Variants in FREM3 observed in about 807,000 individuals in gnomAD.
FREM3 encodes the protein FRAS1-related extracellular matrix protein 3.
FREM3 carries 105 observed loss-of-function variants against 129.1 expected under a neutral mutation model. The ratio of observed to expected loss-of-function variants is 0.81; its 90% confidence interval spans 0.69 to 0.96. FREM3 has a LOEUF of 0.96. Ranked by LOEUF, FREM3 falls within the 40% of genes least tolerant of loss-of-function variation. FREM3 has a pLI of 0.00. For missense variants in FREM3, 2,593 were observed against 2,666.3 expected (o/e 0.97, Z 0.61); for synonymous variants, 1,014 against 1,044.9 (o/e 0.97, Z 0.57).
intron 2 of FREM3, among the ~76,000 whole-genome samples, chr4:143,651,774 C>G (rs1739514875): frequency 6.6e-6 from 1 of 152,098 alleles, no homozygotes; most frequent in African/African-American, 2.4e-5. Flanking sequence ...TAAAGCCCAC[C>G]CTTAAGTCAT....
At chr4:143,688,857 C>T (rs1046004738) in intron 2 of FREM3, among the ~76,000 whole-genome samples, 3 of 152,148 alleles carry the variant, frequency 2.0e-5, no homozygotes, top group Non-Finnish European at 4.4e-5. Flanking sequence ...TCATCTCTCA[C>T]CTTATACAAA....
intron 2 of FREM3, among the ~76,000 whole-genome samples, chr4:143,648,775 T>G (rs866392409): frequency 6.6e-6 from 1 of 152,210 alleles, no homozygotes; most frequent in Admixed American, 6.5e-5. Flanking sequence ...TGTGTGAGAA[T>G]GGACTAATGC....
At position 143,585,527 on chromosome 4, in the gene FREM3, T is replaced by C. The variant is rs1416544729; in HGVS notation, c.6178+317A>G. ...CGAGTTGGGACTTGCTTGGCCATTATGGGGGTAATTTCATCTGAAATATTG... is the reference window on the plus strand; with the variant it reads ...CGAGTTGGGACTTGCTTGGCCATTACGGGGGTAATTTCATCTGAAATATTG... On this transcript the variant is annotated intron_variant, in intron 7 of 7. Coordinates refer to ENST00000329798, the MANE Select transcript of FREM3 (RefSeq NM_001168235.2). This position sits in a 1 kb window ranked among gnomAD's most constrained non-coding sequence, Gnocchi z 4.2. 6.6e-6 allele frequency among the ~76,000 whole-genome samples: 1 copy of C among 152,194 alleles called. No individual in the cohort carries two copies. Among genetic ancestry groups the C allele is most frequent in the Non-Finnish European group, 1.5e-5 (1 of 68,046 alleles).
intron 2 of FREM3, among the ~76,000 whole-genome samples, chr4:143,664,782 CT>C (rs1331893728): frequency 6.6e-6 from 1 of 152,192 alleles, no homozygotes; most frequent in Non-Finnish European, 1.5e-5. Context: ...CTAAGCAAGC[CT>C]TGGCAATGGC....
At chr4:143,626,870 A>C (rs78646043) in intron 3 of FREM3, among the ~76,000 whole-genome samples, 2,681 of 152,262 alleles carry the variant, frequency 0.018, 81 homozygotes, top group African/African-American at 0.061. Flanking sequence ...GGGGTCCTGC[A>C]TGTCGAGGAA....
At chr4:143,614,904 A>G (rs1195221373) in intron 5 of FREM3, among the ~76,000 whole-genome samples, 1 of 152,248 alleles carries the variant, frequency 6.6e-6, no homozygotes, top group African/African-American at 2.4e-5. Context: ...TGGATCCAGC[A>G]TACCACTCTA....
intron 6 of FREM3, among the ~76,000 whole-genome samples, chr4:143,587,831 T>G (rs780506382): frequency 6.6e-6 from 1 of 152,222 alleles, no homozygotes; most frequent in Non-Finnish European, 1.5e-5. Context: ...AACAGATATA[T>G]TCTGGCTGAT....
chr4:143,641,707 A>T (rs1211888798), intron 2 of FREM3, among the ~76,000 whole-genome samples: 1 of 152,148 alleles, frequency 6.6e-6, no homozygotes, highest in Non-Finnish European at 1.5e-5. Flanking sequence ...ATTTGCCAGA[A>T]ATTCCTTCCT....
chr4:143,684,849 G>C (rs752155659), intron 2 of FREM3, among the ~76,000 whole-genome samples: 23 of 152,142 alleles, frequency 1.5e-4, no homozygotes, highest in Non-Finnish European at 1.0e-4. Flanking sequence ...TACACTTTTA[G>C]AAATGTGAAA....
At chr4:143,690,105 C>T (rs1740439264) in intron 2 of FREM3, among the ~76,000 whole-genome samples, 1 of 151,430 alleles carries the variant, frequency 6.6e-6, no homozygotes, top group Non-Finnish European at 1.5e-5. Flanking sequence ...AACTCCAGAG[C>T]TGTAAGATGA....
At chr4:143,615,697 C>A (rs541300538) in intron 5 of FREM3, among the ~76,000 whole-genome samples, 4 of 138,960 alleles carry the variant, frequency 2.9e-5, no homozygotes, top group South Asian at 4.8e-4. Flanking sequence ...TAGGGAATAT[C>A]GTCAAGTGTC....
chr4:143,577,657 T>A lies in FREM3; in HGVS notation c.6374A>T (p.Asp2125Val), dbSNP rs1217457802. ...ACTCTGCTTACAGTCCGTGATGGTG[T>A]CCTCGATGAAAATGGTAGTTTTATT... Reference protein sequence around the residue: ...EPNKTTIFIEDTITDCKQSAC... With the variant: ...EPNKTTIFIEVTITDCKQSAC... Residue 2125 changes from aspartate to valine, a missense_variant, in exon 8 of 8, where the codon GAC becomes GTC. By Grantham distance (152) the Asp-to-Val change is radical (BLOSUM62 -3). Coordinates refer to ENST00000329798, the MANE Select transcript of FREM3 (RefSeq NM_001168235.2). 9 of 1,537,328 alleles carry A rather than the reference T, an allele frequency of 5.9e-6. No homozygotes were observed. Among genetic ancestry groups the A allele is most frequent in the Non-Finnish European group, 4.4e-6 (5 of 1,146,914 alleles).
At position 143,696,958 on chromosome 4, in the gene FREM3, G is replaced by A; in HGVS notation, c.3718C>T (p.Arg1240Ter). 13 of 1,537,716 alleles carry A rather than the reference G, an allele frequency of 8.5e-6. No individual in the cohort carries two copies. Among genetic ancestry groups the A allele is most frequent in the African/African-American group, 1.4e-5 (1 of 73,132 alleles). ...FQLTALPRHG[R>*]IIQQLATGSQ... ...CCTGTAGCCAGCTGCTGTATGATTCGTCCATGCCGAGGGAGGGCTGTGAGT... is the reference window on the plus strand; with the variant it reads ...CCTGTAGCCAGCTGCTGTATGATTCATCCATGCCGAGGGAGGGCTGTGAGT... The change falls in exon 1 of 8, where the codon CGA becomes TGA. Residue 1240 changes from arginine to a stop codon, truncating the protein, a stop_gained. Coordinates refer to ENST00000329798, the MANE Select transcript of FREM3 (RefSeq NM_001168235.2). LOFTEE classifies it high-confidence loss of function.
chr4:143,622,376 G>A (rs907621859), intron 4 of FREM3, among the ~76,000 whole-genome samples: 4 of 149,282 alleles, frequency 2.7e-5, no homozygotes, highest in Admixed American at 2.7e-4. Flanking sequence ...TTACAGGAAT[G>A]AGCCACTGCA....
chr4:143,684,585 A>G (rs1459442989), intron 2 of FREM3, among the ~76,000 whole-genome samples: 2 of 152,200 alleles, frequency 1.3e-5, no homozygotes, highest in Non-Finnish European at 2.9e-5. Flanking sequence ...TGGTAATATG[A>G]CAAAACAAAG....
chr4:143,693,541 G>C (rs182225392), intron 1 of FREM3, among the ~76,000 whole-genome samples: 150 of 152,266 alleles, frequency 9.9e-4, no homozygotes, highest in African/African-American at 3.3e-3. Flanking sequence ...GCAATGTGGA[G>C]ATTCCTCAGA....
intron 2 of FREM3, among the ~76,000 whole-genome samples, chr4:143,684,138 C>T (rs969731400): frequency 6.6e-6 from 1 of 152,114 alleles, no homozygotes; most frequent in Admixed American, 6.6e-5. Flanking sequence ...CTGCTGGTTC[C>T]TCCCCATACT....
chr4:143,688,778 G>A (rs1433979284), intron 2 of FREM3, among the ~76,000 whole-genome samples: 1 of 152,134 alleles, frequency 6.6e-6, no homozygotes, highest in Non-Finnish European at 1.5e-5. Context: ...AGTGGGGAAA[G>A]GACACCCTTT....
At chr4:143,670,854 T>A (rs1739952306) in intron 2 of FREM3, among the ~76,000 whole-genome samples, 1 of 152,122 alleles carries the variant, frequency 6.6e-6, no homozygotes, top group South Asian at 2.1e-4. Context: ...TCTATTTTTA[T>A]ACATGGAATC....
Sources: allele counts gnomAD v4.1 joint callset (sites outside exome capture counted in the v4.1 genomes callset), GRCh38; gene constraint gnomAD v4.1.1; non-coding constraint Gnocchi (gnomAD v3.1); transcripts MANE v1.5; gene names NCBI Gene and HGNC (gene_info 2026-07-23, HGNC 2026-07-21).